WDFY2: variants seen among roughly 807,000 people sequenced by gnomAD.
The protein encoded by WDFY2 is WD repeat and FYVE domain-containing protein 2.
Under a neutral mutation model 56.4 loss-of-function variants are expected in WDFY2, and 36 were observed. That is an observed-to-expected ratio of 0.64 (90% CI 0.49 to 0.84). The LOEUF (loss-of-function observed/expected upper bound fraction) is 0.84, where lower values mean the gene tolerates loss of function less well. Among genes scored for constraint, WDFY2 ranks in the 40% least tolerant of loss-of-function variants. WDFY2 has a pLI of 0.00. For synonymous variants in WDFY2, 176 were observed against 183.7 expected (o/e 0.96, Z 0.34); for missense variants, 444 against 512.2 (o/e 0.87, Z 1.29).
At position 51,758,236 on chromosome 13, in the gene WDFY2, T is replaced by C. The variant is rs1384830646; in HGVS notation, c.1109T>C (p.Val370Ala). ...ATFHDSKHNI[V>A]HVHFDATRGW... ...TTCCATGACAGTAAACATAACATTG[T>C]GCATGTGCATTTCGATGCAACCAGA... is the stretch of plus-strand genomic sequence containing the variant. The change falls in exon 11 of 12, where the codon GTG (valine) becomes GCG (alanine). Residue 370 changes from valine to alanine, a missense_variant. Physicochemically the swap from Val to Ala is moderately conservative, Grantham distance 64 (BLOSUM62 0). Transcript: ENST00000298125. 15 of 1,600,400 alleles carry C rather than the reference T, an allele frequency of 9.4e-6. No homozygotes were observed. The highest frequency in any genetic ancestry group is 2.7e-5 in the African/African-American group (2 of 74,748).
chr13:51,752,353 A>G (rs1953256631), intron 8 of WDFY2, among the ~76,000 whole-genome samples: 1 of 152,232 alleles, frequency 6.6e-6, no homozygotes, highest in South Asian at 2.1e-4. Flanking sequence ...ATGGTAGAAC[A>G]TTGCTTTTGA....
intron 1 of WDFY2, among the ~76,000 whole-genome samples, chr13:51,610,514 C>G (rs1954480811): frequency 6.6e-6 from 1 of 152,122 alleles, no homozygotes; most frequent in African/African-American, 2.4e-5. Context: ...ATTTCATTCC[C>G]ATTTTTAAGT....
At chr13:51,640,679 T>C (rs917162729) in intron 1 of WDFY2, among the ~76,000 whole-genome samples, 10 of 152,066 alleles carry the variant, frequency 6.6e-5, no homozygotes, top group African/African-American at 2.4e-4. Context: ...TGAAACCCTG[T>C]CTCTACTAAA....
intron 1 of WDFY2, among the ~76,000 whole-genome samples, chr13:51,615,900 A>G (rs1954601346): frequency 6.6e-6 from 1 of 152,226 alleles, no homozygotes; most frequent in Non-Finnish European, 1.5e-5. Flanking sequence ...GCAAGGATGG[A>G]TTTCTATTTT....
chr13:51,728,016 T>A (rs983198062), intron 6 of WDFY2, among the ~76,000 whole-genome samples: 1 of 152,194 alleles, frequency 6.6e-6, no homozygotes, highest in African/African-American at 2.4e-5. Context: ...TTTGAAAATG[T>A]TGATAATTTG....
At chr13:51,590,486 A>G (rs534030149) in intron 1 of WDFY2, 2 of 152,232 alleles carry the variant, frequency 1.3e-5, no homozygotes, top group Non-Finnish European at 2.9e-5. Context: ...ATTAGAAATA[A>G]CAGTGTGGGG....
chr13:51,758,116 C>A, intron 10 of WDFY2, 76 bp from the exon 11 acceptor site: 1 of 1,211,056 alleles, frequency 8.3e-7, no homozygotes, highest in Non-Finnish European at 1.2e-6. Flanking sequence ...AAATTTAGAG[C>A]CTAATGTCAT....
intron 3 of WDFY2, among the ~76,000 whole-genome samples, chr13:51,677,807 G>A (rs1259685732): frequency 6.6e-6 from 1 of 152,116 alleles, no homozygotes; most frequent in Non-Finnish European, 1.5e-5. Flanking sequence ...AGCAGCAAGA[G>A]GGTCCTGAAC....
rs547653849 is a variant in WDFY2, at chr13:51,747,287, C to T, written c.726-4023C>T. Among the ~76,000 whole-genome samples, 17 of 152,360 alleles carry T rather than the reference C, an allele frequency of 1.1e-4. No homozygotes were observed. In the East Asian group the frequency reaches 2.1e-3, roughly 19 times the overall value. On this transcript the variant is annotated intron_variant, in intron 7 of 11. Coordinates refer to ENST00000298125, the MANE Select transcript of WDFY2 (RefSeq NM_052950.4). ...CCCCATTGGGATATGCTATATAACT[C>T]TTTCCTAAGAATTGTGATCAGTATT... is the stretch of plus-strand genomic sequence containing the variant.
chr13:51,701,922 T>G (rs1566148550), intron 3 of WDFY2, among the ~76,000 whole-genome samples: 1 of 152,176 alleles, frequency 6.6e-6, no homozygotes, highest in Admixed American at 6.5e-5. Context: ...TGCCTGTGAT[T>G]AAAAGTTGCT....
intron 1 of WDFY2, among the ~76,000 whole-genome samples, chr13:51,617,730 T>C (rs778445307): frequency 8.5e-5 from 13 of 152,218 alleles, no homozygotes; most frequent in Non-Finnish European, 1.5e-4. Flanking sequence ...TCTGAGACTT[T>C]AGTAAAATGG....
intron 3 of WDFY2, among the ~76,000 whole-genome samples, chr13:51,701,099 G>A (rs1057113246): frequency 2.6e-5 from 4 of 152,120 alleles, no homozygotes; most frequent in Admixed American, 6.5e-5. Flanking sequence ...TTAATGTTTT[G>A]TTTTATTATA....
At chr13:51,628,126 C>T (rs368906556) in intron 1 of WDFY2, among the ~76,000 whole-genome samples, 3 of 152,334 alleles carry the variant, frequency 2.0e-5, no homozygotes, top group South Asian at 2.1e-4. Flanking sequence ...AACCTGTCTG[C>T]GTCCTGGCAT....
intron 3 of WDFY2, among the ~76,000 whole-genome samples, chr13:51,692,768 G>A (rs1165141893): frequency 6.6e-6 from 1 of 152,168 alleles, no homozygotes; most frequent in African/African-American, 2.4e-5. Context: ...CAGAAGGAGT[G>A]GTACCAGTTC....
intron 9 of WDFY2, 66 bp from the exon 10 acceptor site, chr13:51,756,266 T>G: frequency 6.5e-7 from 1 of 1,547,034 alleles, no homozygotes; most frequent in Non-Finnish European, 8.7e-7. Context: ...CCAGGAGGGG[T>G]GAGATGCGGG....
intron 5 of WDFY2, among the ~76,000 whole-genome samples, chr13:51,720,466 C>G (rs1952462202): frequency 6.6e-6 from 1 of 152,136 alleles, no homozygotes. Flanking sequence ...AAAAGAAACT[C>G]CAAACTTTAC....
intron 6 of WDFY2, among the ~76,000 whole-genome samples, chr13:51,732,294 C>A (rs1014929116): frequency 6.6e-6 from 1 of 152,070 alleles, no homozygotes; most frequent in Non-Finnish European, 1.5e-5. Context: ...CCATGGCCGA[C>A]TAATTTTTGT....
chr13:51,676,679 T>C (rs1327900113), intron 3 of WDFY2, among the ~76,000 whole-genome samples: 2 of 152,220 alleles, frequency 1.3e-5, no homozygotes, highest in Non-Finnish European at 2.9e-5. Context: ...GACAAGTATT[T>C]ATGAAATTTC....
intron 1 of WDFY2, among the ~76,000 whole-genome samples, chr13:51,653,153 C>T (rs1421788835): frequency 1.3e-5 from 2 of 152,164 alleles, no homozygotes; most frequent in African/African-American, 2.4e-5. Context: ...ATTTCATTCA[C>T]TTGATCTTCC....
Sources: gnomAD v4.1 joint callset for allele counts (sites outside exome capture counted in the v4.1 genomes callset) on GRCh38, gnomAD v4.1.1 for gene constraint, MANE v1.5 for transcripts, NCBI Gene and HGNC (gene_info 2026-07-23, HGNC 2026-07-21) for gene names.